Variants in EYS observed in about 807,000 individuals in gnomAD.
The protein encoded by EYS is protein eyes shut homolog.
EYS carries 250 observed loss-of-function variants against 282.1 expected under a neutral mutation model. The ratio of observed to expected loss-of-function variants is 0.89; its 90% CI spans 0.80 to 0.98. The LOEUF (loss-of-function observed/expected upper bound fraction) is 0.98, where lower values mean the gene tolerates loss of function less well. Among genes scored for constraint, EYS ranks in the 50% least tolerant of loss-of-function variants. The pLI is 0.00. For synonymous variants in EYS, 1,355 were observed against 1,282.9 expected (o/e 1.06, Z -1.20); for missense variants, 4,016 against 3,709.0 (o/e 1.08, Z -2.15).
chr6:65,332,290 T>A (rs1769824567), intron 11 of EYS: 2 of 704,154 alleles, frequency 2.8e-6, no homozygotes, highest in Non-Finnish European at 5.3e-6. Flanking sequence ...ATACATTAAA[T>A]TACATTAATT....
At chr6:64,689,146 C>A (rs2149912641) in intron 22 of EYS, among the ~76,000 whole-genome samples, 1 of 152,242 alleles carries the variant, frequency 6.6e-6, no homozygotes, top group East Asian at 1.9e-4. Context: ...AATCAATGTG[C>A]AAAAATCACA....
At chr6:64,829,780 C>T (rs1305548237) in intron 19 of EYS, among the ~76,000 whole-genome samples, 2 of 151,690 alleles carry the variant, frequency 1.3e-5, no homozygotes, top group African/African-American at 2.4e-5. Context: ...GAATTGGGAA[C>T]CAGGGGGTAA....
chr6:63,870,395 T>C (rs906960614), intron 35 of EYS, among the ~76,000 whole-genome samples: 1 of 152,196 alleles, frequency 6.6e-6, no homozygotes, highest in African/African-American at 2.4e-5. Context: ...TTAAGAATTA[T>C]TTACAAAATT....
intron 19 of EYS, among the ~76,000 whole-genome samples, 165 bp from the exon 20 acceptor site, chr6:64,822,987 G>T (rs1339209535): frequency 6.6e-6 from 1 of 151,830 alleles, no homozygotes; most frequent in Admixed American, 6.6e-5. Context: ...AATATATTTA[G>T]GTCTATGAAT....
At chr6:64,286,269 G>A (rs187665633) in intron 30 of EYS, among the ~76,000 whole-genome samples, 8 of 152,220 alleles carry the variant, frequency 5.3e-5, no homozygotes, top group Admixed American at 2.0e-4. Flanking sequence ...TTATCCTGAG[G>A]CCAATATAAA....
intron 36 of EYS, among the ~76,000 whole-genome samples, chr6:63,852,570 C>T (rs1445605545): frequency 6.6e-6 from 1 of 152,140 alleles, no homozygotes. Context: ...GGAGTTGGTA[C>T]CATTCCTTCT....
chr6:65,294,267 C>T (rs1260764027), intron 12 of EYS, among the ~76,000 whole-genome samples: 1 of 151,814 alleles, frequency 6.6e-6, no homozygotes, highest in Non-Finnish European at 1.5e-5. Context: ...CAGATCAGTT[C>T]CTTTACTTCT....
chr6:64,941,649 C>T (rs1769093974), intron 15 of EYS, among the ~76,000 whole-genome samples: 1 of 152,024 alleles, frequency 6.6e-6, no homozygotes, highest in Admixed American at 6.6e-5. Context: ...TTTATTACTG[C>T]CCTCTTTATG....
chr6:64,343,645 G>T (rs1771231474), intron 29 of EYS, among the ~76,000 whole-genome samples: 1 of 152,078 alleles, frequency 6.6e-6, no homozygotes, highest in Admixed American at 6.6e-5. Flanking sequence ...ACAATTAAAA[G>T]AACTGGAGAA....
chr6:65,340,939 A>C (rs906162631), intron 10 of EYS, among the ~76,000 whole-genome samples: 1 of 151,138 alleles, frequency 6.6e-6, no homozygotes, highest in Non-Finnish European at 1.5e-5. Flanking sequence ...CAACTGTGAA[A>C]GTGACATAGG....
chr6:64,792,094 A>G (rs1774209049), intron 22 of EYS, among the ~76,000 whole-genome samples: 1 of 151,966 alleles, frequency 6.6e-6, no homozygotes, highest in East Asian at 1.9e-4. Context: ...TGACTGACTC[A>G]ATTTTCTCAC....
intron 30 of EYS, among the ~76,000 whole-genome samples, chr6:64,264,102 A>AAC (rs1562278182): frequency 6.6e-6 from 1 of 151,530 alleles, no homozygotes; most frequent in African/African-American, 2.4e-5. Flanking sequence ...GCTAAAAGAA[A>AAC]AACAACAACA....
chr6:65,586,469 G>T (rs1765051434), intron 2 of EYS, among the ~76,000 whole-genome samples: 2 of 152,070 alleles, frequency 1.3e-5, no homozygotes, highest in African/African-American at 2.4e-5. Context: ...GTGGAATTAG[G>T]ACAGCACTTT....
intron 13 of EYS, among the ~76,000 whole-genome samples, chr6:65,012,354 A>C (rs9354205): frequency 0.068 from 10,299 of 152,256 alleles, 436 homozygotes; most frequent in East Asian, 0.13. Context: ...AAAAATATTT[A>C]CATGTTACCT....
intron 32 of EYS, 101 bp from the exon 33 acceptor site, chr6:64,066,592 G>T: frequency 1.2e-6 from 1 of 816,196 alleles, no homozygotes; most frequent in Non-Finnish European, 1.9e-6. Flanking sequence ...TAATGATTTA[G>T]GGGGTTGGTA....
At chr6:65,244,498 C>T (rs1480683985) in intron 12 of EYS, among the ~76,000 whole-genome samples, 1 of 151,226 alleles carries the variant, frequency 6.6e-6, no homozygotes, top group Non-Finnish European at 1.5e-5. Flanking sequence ...CTTAATTATC[C>T]GAACTATTTA....
intron 35 of EYS, among the ~76,000 whole-genome samples, chr6:63,911,916 A>C (rs1554186893): frequency 6.6e-6 from 1 of 152,252 alleles, no homozygotes; most frequent in Non-Finnish European, 1.5e-5. Context: ...TGAGTAAAAC[A>C]TGTACCCTAT....
At chr6:64,997,982 C>T (rs2150126081) in intron 13 of EYS, among the ~76,000 whole-genome samples, 1 of 152,018 alleles carries the variant, frequency 6.6e-6, no homozygotes, top group African/African-American at 2.4e-5. Context: ...ATGAAAATAT[C>T]CAATTTTACT....
chr6:65,678,073 T>C (rs1032529142), intron 1 of EYS, among the ~76,000 whole-genome samples: 5 of 152,004 alleles, frequency 3.3e-5, no homozygotes. Flanking sequence ...TGGTGAGGGA[T>C]TCAGGAAGCT....
Sources: gnomAD v4.1 joint callset for allele counts (sites outside exome capture counted in the v4.1 genomes callset) on GRCh38, gnomAD v4.1.1 for gene constraint, MANE v1.5 for transcripts, NCBI Gene and HGNC (gene_info 2026-07-23, HGNC 2026-07-21) for gene names.